PSD3: variants seen among roughly 807,000 people sequenced by gnomAD.
PSD3 encodes pleckstrin and Sec7 domain containing 3.
Under a neutral mutation model 105.5 loss-of-function variants are expected in PSD3, and 49 were observed. The ratio of observed to expected loss-of-function variants is 0.46; its 90% CI spans 0.37 to 0.59. The LOEUF is 0.59. Among genes scored for constraint, PSD3 ranks in the 20% least tolerant of loss-of-function variants. The pLI, the probability that PSD3 is intolerant of heterozygous loss-of-function variation, is 0.00. For synonymous variants in PSD3, 557 were observed against 457.8 expected (o/e 1.22, Z -2.77); for missense variants, 1,561 against 1,263.8 (o/e 1.24, Z -3.57).
At chr8:18,660,909 G>A (rs1219228866) in intron 9 of PSD3, among the ~76,000 whole-genome samples, 3 of 152,146 alleles carry the variant, frequency 2.0e-5, no homozygotes, top group Non-Finnish European at 4.4e-5. Flanking sequence ...AAAGAAAATT[G>A]CTTAAATTAC....
intron 1 of PSD3, among the ~76,000 whole-genome samples, chr8:19,009,299 A>T (rs1826845903): frequency 6.6e-6 from 1 of 152,244 alleles, no homozygotes; most frequent in African/African-American, 2.4e-5. Flanking sequence ...ATTAGAGCCA[A>T]AGAGCTCAGT....
At position 18,765,310 on chromosome 8, in the gene PSD3, A is replaced by G. The variant is rs574968050; in HGVS notation, c.2172+139T>C. ...TTTGCAGCACGAAAAATCAAGGACA[A>G]GGCTTAAAAGAAACATCACCAATAA... On this transcript the variant is annotated intron_variant, in intron 9 of 15. Transcript: ENST00000327040. The G allele has an allele frequency of 7.2e-4, 502 of 700,052 alleles. 2 individuals are homozygous for G. The highest frequency in any genetic ancestry group is 1.7e-3 in the South Asian group (95 of 54,648). 43.4% of individuals were successfully genotyped at this position (700,052 alleles called of 1,614,324 possible).
intron 9 of PSD3, among the ~76,000 whole-genome samples, chr8:18,690,737 G>C (rs912357625): frequency 6.6e-6 from 1 of 152,206 alleles, no homozygotes; most frequent in African/African-American, 2.4e-5. Flanking sequence ...TTGGCCCACA[G>C]TGCCGGGCTA....
intron 11 of PSD3, among the ~76,000 whole-genome samples, chr8:18,608,473 A>G (rs923460666): frequency 1.3e-5 from 2 of 152,236 alleles, no homozygotes; most frequent in African/African-American, 4.8e-5. Flanking sequence ...TTTCTGCAAT[A>G]GAAAAATTGG....
chr8:18,686,883 TCTC>T (rs915437408), intron 9 of PSD3, among the ~76,000 whole-genome samples: 1 of 152,090 alleles, frequency 6.6e-6, no homozygotes, highest in African/African-American at 2.4e-5. Context: ...TAAGCTGGCT[TCTC>T]CTCATTCAGC....
chr8:18,590,894 A>C (rs936909747), intron 12 of PSD3, among the ~76,000 whole-genome samples: 14 of 152,208 alleles, frequency 9.2e-5, no homozygotes, highest in Non-Finnish European at 1.8e-4. Context: ...TTTTAATAAG[A>C]AACTGTTTAT....
At chr8:18,667,670 G>A (rs751130609) in intron 9 of PSD3, among the ~76,000 whole-genome samples, 14 of 152,216 alleles carry the variant, frequency 9.2e-5, no homozygotes, top group African/African-American at 2.4e-4. Context: ...CAGTCCCGCC[G>A]TGTGCCTGCA....
rs866170428 is a variant in PSD3 at position 18,583,418 on chromosome 8, G to T, written c.2482-8133C>A. Among the ~76,000 whole-genome samples the T allele has an allele frequency of 6.6e-5, 10 of 152,092 alleles. No homozygotes were observed. The South Asian group carries it at 8.3e-4, about 13-fold the overall frequency. On this transcript the variant is annotated intron_variant, in intron 12 of 15. Coordinates refer to ENST00000327040, the MANE Select transcript of PSD3 (RefSeq NM_015310.4). ...TGCACTCCAGTTTGGGTAACAGAGT[G>T]AGACCTAGTTTCAAAAAAATAAGTA...
chr8:18,922,520 C>T (rs1821088754), intron 2 of PSD3, among the ~76,000 whole-genome samples: 1 of 152,134 alleles, frequency 6.6e-6, no homozygotes, highest in Non-Finnish European at 1.5e-5. Context: ...CAAATGTTTT[C>T]CCCACAAACC....
chr8:18,541,729 A>G (rs953391796), intron 15 of PSD3, among the ~76,000 whole-genome samples: 13 of 151,534 alleles, frequency 8.6e-5, no homozygotes, highest in African/African-American at 2.9e-4. Context: ...GGTTCATAAA[A>G]CATAGACCCA....
chr8:18,971,873 C>T (rs1316083139), intron 1 of PSD3, among the ~76,000 whole-genome samples: 5 of 151,930 alleles, frequency 3.3e-5, no homozygotes, highest in East Asian at 1.9e-4. Context: ...GGCATGGTGG[C>T]GGGTGCCTAT....
At chr8:19,043,676 A>T (rs1379613031) in intron 1 of PSD3, among the ~76,000 whole-genome samples, 4 of 152,188 alleles carry the variant, frequency 2.6e-5, no homozygotes, top group African/African-American at 4.8e-5. Flanking sequence ...CTCCACACTC[A>T]TGAGTGGGCT....
chr8:18,654,004 T>C lies in PSD3; in HGVS notation c.2216+1638A>G, dbSNP rs553733603. Among the ~76,000 whole-genome samples, 4 of 152,282 alleles carry C rather than the reference T, an allele frequency of 2.6e-5. No individual in the cohort carries two copies. The East Asian group carries it at 7.7e-4, about 29-fold the overall frequency. ...AATTTTCCTATGAAACCCACTTTTG[T>C]TCATGAGAAATAAGCCTAAAGAAGA... is the stretch of plus-strand genomic sequence containing the variant. On this transcript the variant is annotated intron_variant, in intron 10 of 15. Transcript: ENST00000327040.
Position 18,554,084 on chromosome 8 carries a change from T to G in PSD3, c.2928+2125A>C, listed in dbSNP as rs17694592. ...TCAGAAAAGAGGTAGCGCTGTCGAC[T>G]CAAAAGTAGGGAGGGCTCCTAGCAA... On this transcript the variant is annotated intron_variant, in intron 15 of 15. Coordinates refer to ENST00000327040, the MANE Select transcript of PSD3 (RefSeq NM_015310.4). Among the ~76,000 whole-genome samples the G allele has an allele frequency of 0.012, 1,854 of 152,280 alleles. 79 individuals are homozygous for G. In the East Asian group the frequency reaches 0.15, roughly 13 times the overall value.
chr8:18,740,951 G>A (rs1008126888), intron 9 of PSD3, among the ~76,000 whole-genome samples: 4 of 152,144 alleles, frequency 2.6e-5, no homozygotes, highest in African/African-American at 9.7e-5. Context: ...CCTCCCTGAG[G>A]TCAGAGGGCT....
chr8:19,078,171 C>G lies in PSD3; in HGVS notation c.324+6035G>C, dbSNP rs141126468. Among the ~76,000 whole-genome samples the G allele has an allele frequency of 2.6e-5, 4 of 152,054 alleles. No homozygotes were observed. In the East Asian group the frequency reaches 7.7e-4, roughly 29 times the overall value. Reference sequence around the variant, plus strand: ...TCGGCCTCCCAAAGCGCTGGGATTACAGGCATGAGTCACCGAGCCAAGCCA... The same window carrying G: ...TCGGCCTCCCAAAGCGCTGGGATTAGAGGCATGAGTCACCGAGCCAAGCCA... On this transcript the variant is annotated intron_variant, in intron 1 of 1. Coordinates refer to the PSD3 transcript ENST00000521475.
chr8:19,064,662 G>A (rs1424756323), intron 1 of PSD3, among the ~76,000 whole-genome samples: 2 of 152,118 alleles, frequency 1.3e-5, no homozygotes, highest in African/African-American at 4.8e-5. Flanking sequence ...TAACCTTTCT[G>A]AATTATGCTT....
intron 15 of PSD3, among the ~76,000 whole-genome samples, chr8:18,554,342 C>T (rs1329369786): frequency 6.6e-6 from 1 of 152,118 alleles, no homozygotes; most frequent in African/African-American, 2.4e-5. Context: ...AATGAACAAG[C>T]CTGGGGAAAG....
At chr8:18,571,218 C>T (rs572650421) in intron 14 of PSD3, among the ~76,000 whole-genome samples, 18 of 152,230 alleles carry the variant, frequency 1.2e-4, no homozygotes, top group East Asian at 9.7e-4. Context: ...ATCCTACACA[C>T]GACAAACAAG....
Sources: allele counts gnomAD v4.1 joint callset (sites outside exome capture counted in the v4.1 genomes callset), GRCh38; gene constraint gnomAD v4.1.1; transcripts MANE v1.5; gene names NCBI Gene and HGNC (gene_info 2026-07-23, HGNC 2026-07-21).